Variants in SLC35B3 observed in about 807,000 individuals in gnomAD.
SLC35B3 encodes the protein solute carrier family 35 member B3.
Under a neutral mutation model 44.1 loss-of-function variants are expected in SLC35B3, and 35 were observed. The ratio of observed to expected loss-of-function variants is 0.79; its 90% CI spans 0.61 to 1.05. The LOEUF (loss-of-function observed/expected upper bound fraction) is 1.05. SLC35B3 is among the 50% of genes least tolerant of loss of function. SLC35B3 has a pLI of 0.00. For synonymous variants in SLC35B3, 146 were observed against 167.3 expected (o/e 0.87, Z 0.98); for missense variants, 414 against 476.4 (o/e 0.87, Z 1.22).
chr6:8,429,854 A>G lies in SLC35B3; in HGVS notation c.297+10T>C. 1 of 1,520,946 alleles carries G rather than the reference A, an allele frequency of 6.6e-7. No homozygotes were observed. The highest frequency in any genetic ancestry group is 8.9e-7 in the Non-Finnish European group (1 of 1,121,624). The allele number at this position is 1,520,946 out of a possible 1,614,324, so 94.2% of individuals were successfully genotyped here. A position where few individuals can be genotyped will look rare whatever the true frequency, so the allele number is the denominator to read the frequency against. On this transcript the variant is annotated intron_variant, in intron 3 of 10. Coordinates refer to ENST00000644923, the MANE Select transcript of SLC35B3 (RefSeq NM_001370476.2). ...ATAATTAACATATTACAAACATATA[A>G]CTTTTTTACCTGTAAATACCCATAA...
chr6:8,416,945 A>G lies in SLC35B3; in HGVS notation c.924T>C (p.Tyr308=), dbSNP rs148861647. ...AAGCCAGAACAAAGGAGATTCCAAA[A>G]TATCCAGTGAGGGAAAAAAGGAACG... The change falls in exon 9 of 11, where the codon TAT becomes TAC. Residue 308 remains tyrosine, a synonymous_variant. Coordinates refer to ENST00000644923, the MANE Select transcript of SLC35B3 (RefSeq NM_001370476.2). 6.2e-7 allele frequency: 1 copy of G among 1,607,342 alleles called. No homozygotes were observed. The highest frequency in any genetic ancestry group is 8.5e-7 in the Non-Finnish European group (1 of 1,177,146).
intron 4 of SLC35B3, among the ~76,000 whole-genome samples, chr6:8,424,843 TCAA>T (rs2113428902): frequency 6.6e-6 from 1 of 152,274 alleles, no homozygotes; most frequent in African/African-American, 2.4e-5. Context: ...CTCCAAATTC[TCAA>T]CGAGTATTGA....
At chr6:8,430,193 G>T in intron 2 of SLC35B3, 36 bp from the exon 2 acceptor site, 2 of 1,486,738 alleles carry the variant, frequency 1.3e-6, no homozygotes, top group Non-Finnish European at 1.8e-6. Flanking sequence ...ACATTTACAT[G>T]ATAAAGTTTA....
rs116027560 is a variant in SLC35B3 at position 8,430,463 on chromosome 6, A to G, written c.4-306T>C. On this transcript the variant is annotated intron_variant, in intron 2 of 10. Transcript: ENST00000644923. The stretch of plus-strand genomic sequence containing the variant: ...ATGTCTTTGTGTCTATATATAGTTG[A>G]TGCATAACATTCTCAACATTAAAGT... 9.5e-3 allele frequency among the ~76,000 whole-genome samples: 1,446 copies of G among 152,344 alleles called. 15 individuals carry two copies. The highest frequency in any genetic ancestry group is 0.033 in the African/African-American group (1,388 of 41,582).
chr6:8,428,507 T>C lies in SLC35B3; in HGVS notation c.298-449A>G, dbSNP rs182715358. ...AACCCCAACCATTTTCTCTGAACTATTTTGATATGTAATTATAAGTAATAG... is the reference window on the plus strand; with the variant it reads ...AACCCCAACCATTTTCTCTGAACTACTTTGATATGTAATTATAAGTAATAG... On this transcript the variant is annotated intron_variant, in intron 3 of 10. Transcript: ENST00000644923. Among the ~76,000 whole-genome samples the C allele has an allele frequency of 1.8e-4, 28 of 152,314 alleles. No homozygotes were observed. In the East Asian group the frequency reaches 5.4e-3, roughly 29 times the overall value.
Position 8,420,774 on chromosome 6 carries a change from A to G in SLC35B3, c.629T>C (p.Leu210Pro), listed in dbSNP as rs757657651. Residue 210 changes from leucine (L) to proline (P), a missense_variant, in exon 6 of 11, where the codon CTG (leucine) becomes CCG (proline). Leu to Pro is a moderately conservative substitution (Grantham distance 98, BLOSUM62 -3). Transcript: ENST00000644923. This position sits in a 1 kb window ranked among gnomAD's most constrained non-coding sequence, Gnocchi z 4.4. Reference sequence around the variant, plus strand: ...GCTGTCAGCGAGGGTAAACCATATCAGGCCAAGGCTCATACATATGGCAGC... The same window carrying G: ...GCTGTCAGCGAGGGTAAACCATATCGGGCCAAGGCTCATACATATGGCAGC... 6.2e-6 allele frequency: 10 copies of G among 1,613,470 alleles called. No homozygotes were observed. The South Asian group carries it at 1.1e-4, about 18-fold the overall frequency.
chr6:8,415,815 G>A (rs913071229), intron 9 of SLC35B3, among the ~76,000 whole-genome samples: 5 of 152,028 alleles, frequency 3.3e-5, no homozygotes, highest in South Asian at 4.2e-4. Context: ...TACTAGGTGT[G>A]GTCATGTGTC....
At chr6:8,415,001 A>G in intron 9 of SLC35B3, 24 bp from the exon 9 acceptor site, 6 of 1,475,224 alleles carry the variant, frequency 4.1e-6, no homozygotes, top group Non-Finnish European at 5.7e-6. Context: ...AAATTAGTTT[A>G]GAATGTGCCT....
chr6:8,417,167 ATCC>A (rs1247500806), intron 8 of SLC35B3, among the ~76,000 whole-genome samples, 172 bp from the exon 8 acceptor site: 1 of 152,168 alleles, frequency 6.6e-6, no homozygotes, highest in African/African-American at 2.4e-5. Context: ...GAAATTAAAG[ATCC>A]TCAACTTTCC....
At position 8,432,366 on chromosome 6, in the gene SLC35B3, C is replaced by G. The variant is rs1764074403; in HGVS notation, c.3+2019G>C. On this transcript the variant is annotated intron_variant, in intron 2 of 10. Transcript: ENST00000644923. The surrounding 1 kb of genome is among the most constrained non-coding windows in gnomAD (Gnocchi z 4.8). Reference sequence around the variant, plus strand: ...AATAAAACTTCTAGAAAATATCTTTCTTTCCTGCTTTTATTGGCATCAAAA... The same window carrying G: ...AATAAAACTTCTAGAAAATATCTTTGTTTCCTGCTTTTATTGGCATCAAAA... Among the ~76,000 whole-genome samples the G allele has an allele frequency of 6.6e-6, 1 of 151,978 alleles. No homozygotes were observed. Among genetic ancestry groups the G allele is most frequent in the Admixed American group, 6.5e-5 (1 of 15,268 alleles).
In SLC35B3 at chr6:8,433,436, T is replaced by C. The variant is rs1764180810; in HGVS notation, c.3+949A>G. ...CAAGAGATATCTTCCTATGATGTTC[T>C]GGCACATAACAAAAATGTAAGATTA... On this transcript the variant is annotated intron_variant, in intron 2 of 10. Coordinates refer to ENST00000644923, the MANE Select transcript of SLC35B3 (RefSeq NM_001370476.2). The surrounding 1 kb of genome is among the most constrained non-coding windows in gnomAD (Gnocchi z 4.1). Among the ~76,000 whole-genome samples, 2 of 152,220 alleles carry C rather than the reference T, an allele frequency of 1.3e-5. No individual in the cohort carries two copies. Among genetic ancestry groups the C allele is most frequent in the Non-Finnish European group, 2.9e-5 (2 of 68,042 alleles).
intron 7 of SLC35B3, among the ~76,000 whole-genome samples, 165 bp from the exon 7 acceptor site, chr6:8,417,659 T>C (rs1026592598): frequency 2.0e-5 from 3 of 152,160 alleles, no homozygotes; most frequent in African/African-American, 7.2e-5. Flanking sequence ...TTGATTCTAA[T>C]GTTTTATAAG....
intron 7 of SLC35B3, among the ~76,000 whole-genome samples, chr6:8,418,211 C>G (rs1762587552): frequency 6.6e-6 from 1 of 152,098 alleles, no homozygotes; most frequent in Non-Finnish European, 1.5e-5. Flanking sequence ...ATTCCAGAGC[C>G]TACCATCATA....
rs1762295787 is a variant in SLC35B3, at chr6:8,415,061, C to T, written c.986-84G>A. The T allele has an allele frequency of 5.7e-6, 5 of 872,822 alleles. No homozygotes were observed. The East Asian group carries it at 1.1e-4, about 19-fold the overall frequency. The allele number at this position is 872,822 out of a possible 1,614,324, so 54.1% of individuals were successfully genotyped here. ...TCACTTATTCAGCAAATATTTAGAC[C>T]TGACTATATGCCAGAATCTGTTGAG... On this transcript the variant is annotated intron_variant, in intron 9 of 10. Coordinates refer to ENST00000644923, the MANE Select transcript of SLC35B3 (RefSeq NM_001370476.2).
chr6:8,416,435 G>A (rs1209998252), intron 9 of SLC35B3, among the ~76,000 whole-genome samples: 1 of 152,122 alleles, frequency 6.6e-6, no homozygotes, highest in Non-Finnish European at 1.5e-5. Context: ...AGTGCTTATT[G>A]GTGAAAAGGG....
intron 5 of SLC35B3, among the ~76,000 whole-genome samples, chr6:8,422,060 A>G (rs1283226745): frequency 6.6e-6 from 1 of 152,182 alleles, no homozygotes; most frequent in Non-Finnish European, 1.5e-5. Context: ...GCTGGAGTGC[A>G]GTGGTGTGAC....
At position 8,434,347 on chromosome 6, in the gene SLC35B3, C is replaced by T. The variant is rs1764279621; in HGVS notation, c.3+38G>A. On this transcript the variant is annotated intron_variant, in intron 2 of 10. Transcript: ENST00000644923. This position sits in a 1 kb window ranked among gnomAD's most constrained non-coding sequence, Gnocchi z 6.3. ...CTGAAAAAACGTGATTTTAACTATA[C>T]TTTGCCACACTCAACGTTACAAATA... 1 of 1,597,362 alleles carries T rather than the reference C, an allele frequency of 6.3e-7. No individual in the cohort carries two copies. The highest frequency in any genetic ancestry group is 1.7e-5 in the Admixed American group (1 of 59,814).
Position 8,420,057 on chromosome 6 carries a change from CAG to C in SLC35B3, c.683-382_683-381del, listed in dbSNP as rs1762760186. Among the ~76,000 whole-genome samples the C allele has an allele frequency of 6.8e-6, 1 of 146,538 alleles. No homozygotes were observed. Among genetic ancestry groups the C allele is most frequent in the Non-Finnish European group, 1.5e-5 (1 of 66,186 alleles). ...TTCAGTTAATTAAAAAAAAAAAAAA[CAG>C]ATGAAGAGAAAAGTCATTTTTGAAA... On this transcript the variant is annotated intron_variant, in intron 6 of 10. Transcript: ENST00000644923. This position sits in a 1 kb window ranked among gnomAD's most constrained non-coding sequence, Gnocchi z 4.4.
In SLC35B3 at chr6:8,435,254, TGGATGA is replaced by T; in HGVS notation, c.-44+83_-44+88del. On this transcript the variant is annotated intron_variant, in intron 1 of 10. Transcript: ENST00000644923. The surrounding 1 kb of genome is among the most constrained non-coding windows in gnomAD (Gnocchi z 5.5). ...TCATCCATTCCTCGAACGCTCCTTC[TGGATGA>T]GGAAGATGGGCAGTGTCAAGGTTTT... The T allele has an allele frequency of 7.8e-7, 1 of 1,289,294 alleles. No individual in the cohort carries two copies. The highest frequency in any genetic ancestry group is 1.0e-6 in the Non-Finnish European group (1 of 988,854). The allele number at this position is 1,289,294 out of a possible 1,614,324, so 79.9% of individuals were successfully genotyped here. A position where few individuals can be genotyped will look rare whatever the true frequency, so the allele number is the denominator to read the frequency against.
Sources: allele counts gnomAD v4.1 joint callset (sites outside exome capture counted in the v4.1 genomes callset), GRCh38; gene constraint gnomAD v4.1.1; non-coding constraint Gnocchi (gnomAD v3.1); transcripts MANE v1.5; gene names NCBI Gene and HGNC (gene_info 2026-07-23, HGNC 2026-07-21).